The following MYH10 variants were observed in gnomAD, a reference collection of about 807,000 sequenced individuals.
MYH10 encodes myosin-10.
Under a neutral mutation model 257.8 loss-of-function variants are expected in MYH10, and 55 were observed. That is an observed-to-expected ratio of 0.21 (90% CI 0.17 to 0.27). MYH10 has a LOEUF of 0.27. MYH10 is among the 10% of genes least tolerant of loss of function. The pLI, the probability that MYH10 is intolerant of heterozygous loss-of-function variation, is 1.00. For missense variants in MYH10, 1,631 were observed against 2,500.6 expected (o/e 0.65, Z 7.42); for synonymous variants, 854 against 921.7 (o/e 0.93, Z 1.33).
At chr17:8,526,073 G>A (rs376527183) in intron 17 of MYH10, among the ~76,000 whole-genome samples, 2 of 152,306 alleles carry the variant, frequency 1.3e-5, no homozygotes, top group African/African-American at 2.4e-5. Flanking sequence ...TTACAGGCGT[G>A]AGCCACCGCG....
intron 2 of MYH10, among the ~76,000 whole-genome samples, chr17:8,605,851 G>C (rs1301906183): frequency 6.6e-6 from 1 of 152,122 alleles, no homozygotes; most frequent in Admixed American, 6.5e-5. Context: ...AAAATGACAT[G>C]TTATAAGAAA....
At chr17:8,491,967 AC>A (rs996590643) in intron 34 of MYH10, among the ~76,000 whole-genome samples, 1 of 152,078 alleles carries the variant, frequency 6.6e-6, no homozygotes, top group African/African-American at 2.4e-5. Flanking sequence ...TTTGATAACT[AC>A]CTGTGACGGC....
chr17:8,488,150 A>T (rs1261605964), intron 35 of MYH10, among the ~76,000 whole-genome samples: 1 of 152,078 alleles, frequency 6.6e-6, no homozygotes, highest in Admixed American at 6.5e-5. Context: ...CAGATGGGAG[A>T]GTGAGGATGA....
chr17:8,522,491 T>C (rs2081689111), intron 17 of MYH10, among the ~76,000 whole-genome samples: 1 of 152,168 alleles, frequency 6.6e-6, no homozygotes, highest in Non-Finnish European at 1.5e-5. Flanking sequence ...GATTCAAGGG[T>C]GTGGGTCAGA....
At chr17:8,485,770 A>G (rs1914656749) in intron 36 of MYH10, among the ~76,000 whole-genome samples, 1 of 152,242 alleles carries the variant, frequency 6.6e-6, no homozygotes, top group South Asian at 2.1e-4. Context: ...ACAGTTTGGC[A>G]GTTCCTCAAA....
At chr17:8,571,173 G>GTTTTTTT (rs10657223) in intron 6 of MYH10, among the ~76,000 whole-genome samples, 3 of 146,872 alleles carry the variant, frequency 2.0e-5, no homozygotes, top group South Asian at 2.1e-4. Flanking sequence ...TTCCTGTAAA[G>GTTTTTTT]TTTTTGTTTT....
intron 5 of MYH10, 61 bp from the exon 6 acceptor site, chr17:8,576,733 A>T (rs963463831): frequency 2.5e-5 from 37 of 1,496,756 alleles, no homozygotes; most frequent in Non-Finnish European, 3.2e-5. Flanking sequence ...CCTAGCAGTA[A>T]GCCATTTCCA....
intron 4 of MYH10, among the ~76,000 whole-genome samples, chr17:8,579,575 AT>A (rs1368008435): frequency 6.6e-6 from 1 of 152,060 alleles, no homozygotes; most frequent in Non-Finnish European, 1.5e-5. Flanking sequence ...TTATAAGACT[AT>A]TTCCTATGTG....
At chr17:8,524,825 G>A (rs1200375708) in intron 17 of MYH10, among the ~76,000 whole-genome samples, 3 of 152,102 alleles carry the variant, frequency 2.0e-5, no homozygotes, top group East Asian at 1.9e-4. Flanking sequence ...ACAGCCTGTC[G>A]GATAGTGTCC....
At chr17:8,568,163 G>A (rs138576282) in intron 7 of MYH10, among the ~76,000 whole-genome samples, 55 of 152,250 alleles carry the variant, frequency 3.6e-4, no homozygotes, top group African/African-American at 1.3e-3. Context: ...CTCGTCTCTC[G>A]TGGGTGGCTT....
At chr17:8,550,615 C>T (rs550754555) in intron 9 of MYH10, among the ~76,000 whole-genome samples, 30 of 152,164 alleles carry the variant, frequency 2.0e-4, no homozygotes, top group Admixed American at 1.6e-3. Context: ...CCCCTCTGCC[C>T]GGCCACCACC....
Position 8,554,136 on chromosome 17 carries a change from T to C in MYH10, c.757-118A>G. 6.1e-6 allele frequency: 4 copies of C among 652,162 alleles called. No homozygotes were observed. The South Asian group carries it at 6.4e-5, about 10-fold the overall frequency. The allele number at this position is 652,162 out of a possible 1,614,324, so 40.4% of individuals were successfully genotyped here. A position where few individuals can be genotyped will look rare whatever the true frequency, so the allele number is the denominator to read the frequency against. On this transcript the variant is annotated intron_variant, in intron 7 of 42. Transcript: ENST00000360416. ...ATTAGTTACAATAATGGATCTTATA[T>C]ATTGCCTCAAACAAAAAGAAAAAAG...
At chr17:8,587,584 C>T (rs142587633) in intron 4 of MYH10, among the ~76,000 whole-genome samples, 73 of 152,176 alleles carry the variant, frequency 4.8e-4, no homozygotes, top group Middle Eastern at 3.4e-3. Flanking sequence ...GGAGAAGAGT[C>T]GCGCCCCCCA....
chr17:8,533,633 A>G (rs575965244), intron 16 of MYH10, among the ~76,000 whole-genome samples: 87 of 152,318 alleles, frequency 5.7e-4, no homozygotes, highest in African/African-American at 2.0e-3. Context: ...TCAACAAATC[A>G]TTATTCTCTT....
At chr17:8,630,349 C>G (rs1176211446) in intron 1 of MYH10, among the ~76,000 whole-genome samples, 1 of 151,644 alleles carries the variant, frequency 6.6e-6, no homozygotes, top group African/African-American at 2.4e-5. Context: ...CCTGCACACC[C>G]AGGCCCTGAC....
chr17:8,585,770 G>C (rs993567020), intron 4 of MYH10, among the ~76,000 whole-genome samples: 1 of 152,012 alleles, frequency 6.6e-6, no homozygotes, highest in African/African-American at 2.4e-5. Context: ...AACGGTTTGG[G>C]TTATACAAGG....
chr17:8,499,386 C>A lies in MYH10; in HGVS notation c.3835G>T (p.Ala1279Ser). The A allele has an allele frequency of 3.7e-6, 6 of 1,614,190 alleles. No individual in the cohort carries two copies. The highest frequency in any genetic ancestry group is 5.1e-6 in the Non-Finnish European group (6 of 1,180,044). The change falls in exon 30 of 43, where the codon GCT becomes TCT. Residue 1279 changes from alanine to serine, a missense_variant. Physicochemically the swap from Ala to Ser is moderately conservative, Grantham distance 99. This residue lies in a region of MYH10 where 463 missense variants were observed against 621.8 expected (regional missense o/e 0.74). Transcript: ENST00000360416. ...CEVKVLQQVK[A>S]ESEHKRKKLD... ...TTCTTCCTCTTGTGCTCAGACTCAG[C>A]CTTGACCTGCTGCAGGACCTTCACC...
chr17:8,618,212 T>C (rs1270287371), intron 2 of MYH10, among the ~76,000 whole-genome samples: 2 of 152,098 alleles, frequency 1.3e-5, no homozygotes, highest in South Asian at 2.1e-4. Flanking sequence ...ATATTTATCT[T>C]TGATACTACT....
chr17:8,597,609 A>G (rs2084426825), intron 3 of MYH10, among the ~76,000 whole-genome samples: 1 of 130,250 alleles, frequency 7.7e-6, no homozygotes, highest in Non-Finnish European at 1.6e-5. Context: ...TTGATGCTAT[A>G]TAGTTTACTC....
Sources: gnomAD v4.1 joint callset for allele counts (sites outside exome capture counted in the v4.1 genomes callset) on GRCh38, gnomAD v4.1.1 for gene constraint, gnomAD v4.1.1 regional missense constraint, MANE v1.5 for transcripts, NCBI Gene and HGNC (gene_info 2026-07-23, HGNC 2026-07-21) for gene names.